TMEM178B: variants seen among roughly 807,000 people sequenced by gnomAD.
The protein encoded by TMEM178B is transmembrane protein 178B.
Under a neutral mutation model 31.0 loss-of-function variants are expected in TMEM178B, and 5 were observed. That is an observed-to-expected ratio of 0.16 (90% CI 0.08 to 0.34). TMEM178B has a LOEUF of 0.34. Among genes scored for constraint, TMEM178B ranks in the 10% least tolerant of loss-of-function variants. The pLI, the probability that TMEM178B is intolerant of heterozygous loss-of-function variation, is 1.00. For synonymous variants in TMEM178B, 164 were observed against 164.0 expected (o/e 1.00, Z 0.00); for missense variants, 275 against 400.3 (o/e 0.69, Z 2.67).
chr7:141,171,907 T>G lies in TMEM178B; in HGVS notation c.383-40684T>G, dbSNP rs987100780. On this transcript the variant is annotated intron_variant, in intron 1 of 3. Coordinates refer to ENST00000565468, the MANE Select transcript of TMEM178B (RefSeq NM_001195278.2). The surrounding 1 kb of genome is among the most constrained non-coding windows in gnomAD (Gnocchi z 4.3). ...AGGCATGTGTGCCTTCAGGTCTTGTTGGAGCCTCTACACATTAATTCTCAA... is the reference window on the plus strand; with the variant it reads ...AGGCATGTGTGCCTTCAGGTCTTGTGGGAGCCTCTACACATTAATTCTCAA... 6.6e-6 allele frequency among the ~76,000 whole-genome samples: 1 copy of G among 152,210 alleles called. No homozygotes were observed. The highest frequency in any genetic ancestry group is 1.5e-5 in the Non-Finnish European group (1 of 68,036).
chr7:141,248,033 T>G (rs1022659937), intron 2 of TMEM178B, among the ~76,000 whole-genome samples: 7 of 115,650 alleles, frequency 6.1e-5, no homozygotes, highest in African/African-American at 9.4e-5. Context: ...GTCTTCCCCT[T>G]TCTCTTTTTT....
the TMEM178B span, among the ~76,000 whole-genome samples, chr7:141,498,719 C>T: frequency 1.3e-5 from 2 of 152,208 alleles, no homozygotes; most frequent in African/African-American, 4.8e-5. Context: ...CAGTCTCTGA[C>T]AGCAGACGCT....
chr7:141,480,963 A>G (rs1045668428), downstream of TMEM178B, among the ~76,000 whole-genome samples: 8 of 152,210 alleles, frequency 5.3e-5, no homozygotes, highest in Admixed American at 2.6e-4. Context: ...TGTGTCTGAT[A>G]TAAGTGGGAA....
chr7:141,189,578 C>A (rs966549385), intron 1 of TMEM178B, among the ~76,000 whole-genome samples: 6 of 152,184 alleles, frequency 3.9e-5, no homozygotes, highest in African/African-American at 1.4e-4. Context: ...CAGTCAGGCC[C>A]TGGTCATGGG....
intron 2 of TMEM178B, among the ~76,000 whole-genome samples, chr7:141,262,474 A>ATATATATATAT (rs1798028077): frequency 1.2e-4 from 16 of 131,866 alleles, no homozygotes; most frequent in Non-Finnish European, 2.1e-4. Context: ...AAATACATAT[A>ATATATATATAT]ATATATATAT....
intron 1 of TMEM178B, among the ~76,000 whole-genome samples, chr7:141,131,472 C>G (rs979691945): frequency 6.6e-6 from 1 of 152,184 alleles, no homozygotes; most frequent in African/African-American, 2.4e-5. Context: ...CATCAATTCT[C>G]CACCTTCTCC....
intron 2 of TMEM178B, among the ~76,000 whole-genome samples, chr7:141,322,602 A>G (rs1166936369): frequency 1.3e-5 from 2 of 152,144 alleles, no homozygotes; most frequent in Admixed American, 1.3e-4. Flanking sequence ...GGGGTCAAAA[A>G]ACTTCCTGGC....
chr7:141,228,444 A>C (rs1483277501), intron 2 of TMEM178B, among the ~76,000 whole-genome samples: 1 of 152,090 alleles, frequency 6.6e-6, no homozygotes, highest in African/African-American at 2.4e-5. Context: ...GAAAAAAATC[A>C]ATGAGTAGCT....
chr7:141,235,576 G>A (rs1000566813), intron 2 of TMEM178B, among the ~76,000 whole-genome samples: 1 of 152,152 alleles, frequency 6.6e-6, no homozygotes, highest in African/African-American at 2.4e-5. Context: ...GAAATTTAAG[G>A]AACTTGAGGA....
rs1485154058 is a variant in TMEM178B, at chr7:141,171,371, A to G, written c.383-41220A>G. On this transcript the variant is annotated intron_variant, in intron 1 of 3. Transcript: ENST00000565468. This position sits in a 1 kb window ranked among gnomAD's most constrained non-coding sequence, Gnocchi z 4.3. ...ACACACATTATCTTACTTTGTTTAT[A>G]TAACAATGCTATGATGTAGGTACTT... 6.6e-6 allele frequency among the ~76,000 whole-genome samples: 1 copy of G among 152,226 alleles called. No homozygotes were observed. Among genetic ancestry groups the G allele is most frequent in the Non-Finnish European group, 1.5e-5 (1 of 68,042 alleles).
intron 1 of TMEM178B, among the ~76,000 whole-genome samples, chr7:141,179,338 C>T (rs566552806): frequency 1.8e-4 from 27 of 152,042 alleles, no homozygotes; most frequent in African/African-American, 6.5e-4. Context: ...CAGCATTTGC[C>T]AATGGAAAAA....
intron 1 of TMEM178B, among the ~76,000 whole-genome samples, chr7:141,126,316 T>A (rs1043513198): frequency 6.6e-6 from 1 of 151,654 alleles, no homozygotes; most frequent in African/African-American, 2.4e-5. Flanking sequence ...CTGGAGGAGG[T>A]GAATGGGAGA....
chr7:141,220,834 T>C (rs144440882), intron 2 of TMEM178B, among the ~76,000 whole-genome samples: 1 of 152,334 alleles, frequency 6.6e-6, no homozygotes, highest in African/African-American at 2.4e-5. Flanking sequence ...ATCCATTTGT[T>C]CATTTGTTCA....
At chr7:141,183,947 C>T (rs545249982) in intron 1 of TMEM178B, among the ~76,000 whole-genome samples, 141 of 152,286 alleles carry the variant, frequency 9.3e-4, no homozygotes, top group African/African-American at 3.2e-3. Context: ...CGTTCAGACA[C>T]GATGGAACTG....
At chr7:141,386,910 C>T (rs1192161631) in intron 2 of TMEM178B, among the ~76,000 whole-genome samples, 2 of 152,172 alleles carry the variant, frequency 1.3e-5, no homozygotes, top group Non-Finnish European at 2.9e-5. Flanking sequence ...ATCAGTAACT[C>T]AGCTTCAATA....
chr7:141,184,161 CA>C (rs1304677079), intron 1 of TMEM178B, among the ~76,000 whole-genome samples: 2 of 152,206 alleles, frequency 1.3e-5, no homozygotes, highest in Non-Finnish European at 2.9e-5. Flanking sequence ...AGGAAAATAT[CA>C]GGGCCTAGTA....
intron 3 of TMEM178B, among the ~76,000 whole-genome samples, chr7:141,449,399 A>ATT (rs1482440094): frequency 6.6e-6 from 1 of 152,072 alleles, no homozygotes; most frequent in Non-Finnish European, 1.5e-5. Context: ...AGAGGGGTTA[A>ATT]AGACTGGTAA....
intron 1 of TMEM178B, among the ~76,000 whole-genome samples, chr7:141,193,791 C>T (rs1157509993): frequency 2.0e-5 from 3 of 152,204 alleles, no homozygotes; most frequent in Non-Finnish European, 4.4e-5. Context: ...GCCCTGCTGC[C>T]AGTTCCAAGG....
At chr7:141,205,682 A>G (rs1442701965) in intron 1 of TMEM178B, among the ~76,000 whole-genome samples, 1 of 152,240 alleles carries the variant, frequency 6.6e-6, no homozygotes, top group Non-Finnish European at 1.5e-5. Context: ...ATAATTTTAG[A>G]TGGGCTGAAC....
Sources: gnomAD v4.1 joint callset for allele counts (sites outside exome capture counted in the v4.1 genomes callset) on GRCh38, gnomAD v4.1.1 for gene constraint, Gnocchi (gnomAD v3.1) non-coding constraint, MANE v1.5 for transcripts, NCBI Gene and HGNC (gene_info 2026-07-23, HGNC 2026-07-21) for gene names.